CNTNAP5: variants seen among roughly 807,000 people sequenced by gnomAD.
The protein encoded by CNTNAP5 is contactin-associated protein-like 5.
In CNTNAP5, 72 loss-of-function variants were observed where a neutral mutation model predicts 150.2. That is an observed-to-expected ratio of 0.48 (90% CI 0.40 to 0.58). CNTNAP5 has a LOEUF of 0.58. CNTNAP5 is among the 20% of genes least tolerant of loss of function. CNTNAP5 has a pLI of 0.00. For synonymous variants in CNTNAP5, 672 were observed against 619.8 expected (o/e 1.08, Z -1.25); for missense variants, 1,636 against 1,626.2 (o/e 1.01, Z -0.10).
chr2:124,497,253 G>A (rs532161859), intron 7 of CNTNAP5, among the ~76,000 whole-genome samples: 2 of 152,310 alleles, frequency 1.3e-5, no homozygotes, highest in South Asian at 4.1e-4. Flanking sequence ...AGTGAAAGGA[G>A]TCCAAAAGGA....
chr2:124,365,424 A>G (rs373200436), intron 3 of CNTNAP5, among the ~76,000 whole-genome samples: 1 of 152,154 alleles, frequency 6.6e-6, no homozygotes, highest in Admixed American at 6.5e-5. Context: ...TCACATTAAC[A>G]TGTTAGGATT....
chr2:124,763,629 T>A, intron 14 of CNTNAP5, 43 bp from the exon 15 acceptor site: 1 of 1,582,376 alleles, frequency 6.3e-7, no homozygotes. Context: ...CCCTAGATTA[T>A]CCACATTTTG....
intron 1 of CNTNAP5, among the ~76,000 whole-genome samples, chr2:124,218,214 AC>A (rs1380043973): frequency 6.6e-6 from 1 of 152,122 alleles, no homozygotes; most frequent in African/African-American, 2.4e-5. Context: ...CTTGGCGACA[AC>A]CTTGAGCAGT....
chr2:124,167,878 A>G (rs999006908), intron 1 of CNTNAP5, among the ~76,000 whole-genome samples: 2 of 152,182 alleles, frequency 1.3e-5, no homozygotes, highest in African/African-American at 4.8e-5. Context: ...AGGAAGCCAA[A>G]CCAAAATAAA....
chr2:124,085,274 G>A (rs189832445), intron 1 of CNTNAP5, among the ~76,000 whole-genome samples: 15 of 152,072 alleles, frequency 9.9e-5, no homozygotes, highest in African/African-American at 3.6e-4. Context: ...TTTCATGTTT[G>A]GTTGTGATAT....
intron 19 of CNTNAP5, among the ~76,000 whole-genome samples, chr2:124,799,001 A>C (rs1681908016): frequency 6.6e-6 from 1 of 152,198 alleles, no homozygotes; most frequent in South Asian, 2.1e-4. Context: ...CAAAATTCAC[A>C]AAAATACAGG....
chr2:124,207,471 A>G (rs924696878), intron 1 of CNTNAP5, among the ~76,000 whole-genome samples: 3 of 152,202 alleles, frequency 2.0e-5, no homozygotes, highest in African/African-American at 4.8e-5. Context: ...AAAAGGAAGG[A>G]AAAATAGCAA....
chr2:124,046,645 G>T (rs1382184456), intron 1 of CNTNAP5, among the ~76,000 whole-genome samples: 1 of 152,114 alleles, frequency 6.6e-6, no homozygotes, highest in Non-Finnish European at 1.5e-5. Context: ...ACCAGGTCAA[G>T]TTGCAAGAAA....
chr2:124,216,243 AT>A (rs1219611266), intron 1 of CNTNAP5, among the ~76,000 whole-genome samples: 1 of 152,148 alleles, frequency 6.6e-6, no homozygotes, highest in Non-Finnish European at 1.5e-5. Context: ...TGGCCTTTAC[AT>A]TATAAAGAAA....
chr2:124,668,991 C>A (rs1339447504), intron 13 of CNTNAP5, among the ~76,000 whole-genome samples: 1 of 152,186 alleles, frequency 6.6e-6, no homozygotes, highest in Non-Finnish European at 1.5e-5. Flanking sequence ...TTCCTGCAGT[C>A]CTATTGGTAA....
chr2:124,600,759 G>C (rs954425770), intron 11 of CNTNAP5, among the ~76,000 whole-genome samples: 1 of 135,868 alleles, frequency 7.4e-6, no homozygotes, highest in Non-Finnish European at 1.6e-5. Flanking sequence ...GAGAGAGAGA[G>C]AGAGAGAGAA....
At chr2:124,214,331 C>T (rs1686098609) in intron 1 of CNTNAP5, among the ~76,000 whole-genome samples, 1 of 152,122 alleles carries the variant, frequency 6.6e-6, no homozygotes, top group Non-Finnish European at 1.5e-5. Flanking sequence ...GGAAGGAATC[C>T]CAGAGCCCTC....
intron 13 of CNTNAP5, among the ~76,000 whole-genome samples, chr2:124,656,601 T>A (rs1481782438): frequency 6.6e-6 from 1 of 152,164 alleles, no homozygotes; most frequent in Non-Finnish European, 1.5e-5. Context: ...GATGTTGATA[T>A]GAATCTGAGG....
Position 124,916,890 on chromosome 2 carries a change from C to T in CNTNAP5, c.*2602C>T, listed in dbSNP as rs1251881592. Among the ~76,000 whole-genome samples the T allele has an allele frequency of 6.6e-6, 1 of 152,008 alleles. No individual in the cohort carries two copies. The highest frequency in any genetic ancestry group is 1.5e-5 in the Non-Finnish European group (1 of 67,976). On this transcript the variant is annotated 3_prime_UTR_variant, in exon 24 of 24. Coordinates refer to ENST00000682447, the MANE Select transcript of CNTNAP5 (RefSeq NM_001367498.1). ...ACAGGGTTGAATTATTTCATAACCCCAGAGAACACTAACTTTCACTAGATA... is the reference window on the plus strand; with the variant it reads ...ACAGGGTTGAATTATTTCATAACCCTAGAGAACACTAACTTTCACTAGATA...
chr2:124,170,968 C>G (rs1287719040), intron 1 of CNTNAP5, among the ~76,000 whole-genome samples: 1 of 152,280 alleles, frequency 6.6e-6, no homozygotes, highest in Non-Finnish European at 1.5e-5. Flanking sequence ...GTGTTCTGAT[C>G]CATTAGCCAT....
At chr2:124,623,352 TAA>T (rs1246329288) in intron 12 of CNTNAP5, among the ~76,000 whole-genome samples, 2 of 152,162 alleles carry the variant, frequency 1.3e-5, no homozygotes, top group Admixed American at 1.3e-4. Flanking sequence ...TCTACCTGAA[TAA>T]ATTCCCATCT....
chr2:124,757,639 T>A (rs1328461669), intron 14 of CNTNAP5, among the ~76,000 whole-genome samples: 1 of 152,184 alleles, frequency 6.6e-6, no homozygotes, highest in Non-Finnish European at 1.5e-5. Flanking sequence ...ATTGCTCCTG[T>A]ACAATGCAGG....
At chr2:124,380,393 A>G (rs1215220048) in intron 3 of CNTNAP5, among the ~76,000 whole-genome samples, 1 of 152,238 alleles carries the variant, frequency 6.6e-6, no homozygotes, top group South Asian at 2.1e-4. Flanking sequence ...TTTTTATTGA[A>G]TTTGTCCTTG....
chr2:124,334,171 G>C (rs1054029225), intron 3 of CNTNAP5, among the ~76,000 whole-genome samples: 6 of 152,126 alleles, frequency 3.9e-5, no homozygotes, highest in Non-Finnish European at 8.8e-5. Flanking sequence ...GGGGTGTCTG[G>C]ATTGCTAAAG....
Sources: allele counts gnomAD v4.1 joint callset (sites outside exome capture counted in the v4.1 genomes callset), GRCh38; gene constraint gnomAD v4.1.1; transcripts MANE v1.5; gene names NCBI Gene and HGNC (gene_info 2026-07-23, HGNC 2026-07-21).